N4BP2L2: variants seen among roughly 807,000 people sequenced by gnomAD.
The protein encoded by N4BP2L2 is NEDD4-binding protein 2-like 2.
Under a neutral mutation model 56.2 loss-of-function variants are expected in N4BP2L2, and 50 were observed. The ratio of observed to expected loss-of-function variants is 0.89; its 90% CI spans 0.71 to 1.13. The LOEUF (loss-of-function observed/expected upper bound fraction) is 1.13, where lower values mean the gene tolerates loss of function less well. Among genes scored for constraint, N4BP2L2 ranks in the 50% most tolerant of loss-of-function variants. The probability of loss-of-function intolerance (pLI) is 0.00; values close to 1 mark genes in which losing one functional copy is unlikely to be tolerated. For missense variants in N4BP2L2, 689 were observed against 693.8 expected, an observed-to-expected ratio of 0.99 and a Z score of 0.08; for synonymous variants, 203 against 223.6, an observed-to-expected ratio of 0.91 and a Z score of 0.82.
chr13:32,451,908 G>A (rs1046517920), intron 6 of N4BP2L2, among the ~76,000 whole-genome samples: 1 of 151,946 alleles, frequency 6.6e-6, no homozygotes, highest in Non-Finnish European at 1.5e-5. Flanking sequence ...TAAAGGTTAA[G>A]TTTTTCTCCC....
At chr13:32,443,274 C>T (rs1454046658) in exon 7 of N4BP2L2, 1 of 1,613,926 alleles carries the variant, frequency 6.2e-7, no homozygotes, top group East Asian at 2.2e-5. Flanking sequence ...AAGTGAAGAT[C>T]ATTTGAATCC....
At chr13:32,465,390 A>C (rs1235255984) in intron 6 of N4BP2L2, among the ~76,000 whole-genome samples, 1 of 152,064 alleles carries the variant, frequency 6.6e-6, no homozygotes, top group Non-Finnish European at 1.5e-5. Context: ...CAGCAATCCT[A>C]CTCTTAGGTA....
At chr13:32,537,644 G>T (rs1052170918) in intron 1 of N4BP2L2, among the ~76,000 whole-genome samples, 1 of 152,122 alleles carries the variant, frequency 6.6e-6, no homozygotes, top group Non-Finnish European at 1.5e-5. Flanking sequence ...GGTATAGTGT[G>T]TTCATTTAAA....
At chr13:32,477,136 C>T (rs2083510991) in intron 6 of N4BP2L2, 4 of 604,436 alleles carry the variant, frequency 6.6e-6, no homozygotes, top group Non-Finnish European at 1.3e-5. Flanking sequence ...AGTACTCTTG[C>T]CACTATCATA....
At chr13:32,532,659 C>T (rs1284783323) in intron 2 of N4BP2L2, among the ~76,000 whole-genome samples, 6 of 145,650 alleles carry the variant, frequency 4.1e-5, no homozygotes, top group South Asian at 2.2e-4. Context: ...GGTGTGATCT[C>T]GGCTCACTGC....
Position 32,527,293 on chromosome 13 carries a change from T to G in N4BP2L2, c.1384+115A>C, listed in dbSNP as rs544494604. ...TGGAGAAATTAGGTCTCAAAGCTAT[T>G]TAAACGGCTTGCCTACAGTCATTCA... On this transcript the variant is annotated intron_variant, in intron 3 of 5. Coordinates refer to ENST00000267068, the Ensembl canonical transcript of N4BP2L2. 2.2e-4 allele frequency: 245 copies of G among 1,130,316 alleles called. 2 individuals are homozygous for G. In the South Asian group the frequency reaches 3.4e-3, roughly 16 times the overall value. The allele number at this position is 1,130,316 out of a possible 1,614,324, so 70.0% of individuals were successfully genotyped here.
At chr13:32,522,358 C>G in intron 3 of N4BP2L2, 88 bp from the exon 4 acceptor site, 7 of 850,086 alleles carry the variant, frequency 8.2e-6, no homozygotes, top group Non-Finnish European at 1.2e-5. Context: ...AAATGTACTA[C>G]GTCTCTGTAC....
chr13:32,502,241 T>C (rs1207759722), intron 6 of N4BP2L2, among the ~76,000 whole-genome samples: 2 of 151,994 alleles, frequency 1.3e-5, no homozygotes, highest in African/African-American at 2.4e-5. Context: ...TTTTTTATTT[T>C]TTTATTTGTA....
At chr13:32,536,651 G>C in exon 2 of N4BP2L2, 1 of 1,613,904 alleles carries the variant, frequency 6.2e-7, no homozygotes, top group Non-Finnish European at 8.5e-7. Flanking sequence ...TTTGTAAATG[G>C]GTCCTATAAA....
At chr13:32,505,121 T>C (rs1012857234) in intron 6 of N4BP2L2, 1 of 152,384 alleles carries the variant, frequency 6.6e-6, no homozygotes, top group South Asian at 2.1e-4. Flanking sequence ...GTGGTAGCAA[T>C]AGTAGCCCCT....
Position 32,452,774 on chromosome 13 carries a change from C to T in N4BP2L2, c.366-8648G>A, listed in dbSNP as rs7994005. Among the ~76,000 whole-genome samples, 887 of 152,158 alleles carry T rather than the reference C, an allele frequency of 5.8e-3. 5 individuals carry two copies. The highest frequency in any genetic ancestry group is 0.02 in the African/African-American group (813 of 41,522). On this transcript the variant is annotated intron_variant, in intron 6 of 9. Transcript: ENST00000357505. Reference sequence around the variant, plus strand: ...TTAATTAACAATGAGTACTATGATCCTATCATAAACATAATTTCTAATATG... The same window carrying T: ...TTAATTAACAATGAGTACTATGATCTTATCATAAACATAATTTCTAATATG...
intron 6 of N4BP2L2, chr13:32,480,496 C>T: frequency 1.5e-6 from 1 of 666,618 alleles, no homozygotes; most frequent in Non-Finnish European, 2.2e-6. Flanking sequence ...TTTAAAGTCT[C>T]TTCAACAATA....
chr13:32,442,883 C>A, exon 7 of N4BP2L2: 1 of 1,613,016 alleles, frequency 6.2e-7, no homozygotes, highest in Non-Finnish European at 8.5e-7. Context: ...GGATGATGAT[C>A]AAAGGTCATA....
intron 5 of N4BP2L2, among the ~76,000 whole-genome samples, chr13:32,519,425 G>C (rs1188665539): frequency 6.6e-6 from 1 of 152,056 alleles, no homozygotes; most frequent in African/African-American, 2.4e-5. Context: ...GGAGGCCAAG[G>C]TGGGTGGATT....
chr13:32,504,012 T>G (rs978065461), intron 6 of N4BP2L2, among the ~76,000 whole-genome samples: 4 of 152,066 alleles, frequency 2.6e-5, no homozygotes, highest in Non-Finnish European at 5.9e-5. Flanking sequence ...AAAAAATAAA[T>G]AAATAAAAAA....
At chr13:32,527,698 A>G (rs2053456470) in intron 2 of N4BP2L2, among the ~76,000 whole-genome samples, 166 bp from the exon 3 acceptor site, 1 of 152,186 alleles carries the variant, frequency 6.6e-6, no homozygotes, top group South Asian at 2.1e-4. Context: ...CCAGCACAAG[A>G]GCTGAATAAT....
At chr13:32,495,525 G>A (rs903558678) in intron 6 of N4BP2L2, among the ~76,000 whole-genome samples, 9 of 152,052 alleles carry the variant, frequency 5.9e-5, no homozygotes, top group African/African-American at 1.9e-4. Flanking sequence ...CCACCCAGAC[G>A]TGGGGCAACT....
intron 6 of N4BP2L2, among the ~76,000 whole-genome samples, chr13:32,503,805 G>A (rs115578635): frequency 0.012 from 1,846 of 152,216 alleles, 42 homozygotes; most frequent in African/African-American, 0.042. Context: ...CAGCACTTCG[G>A]GGGACCGAGG....
chr13:32,435,070 T>A (rs190983083), intron 9 of N4BP2L2, among the ~76,000 whole-genome samples: 2 of 152,266 alleles, frequency 1.3e-5, no homozygotes, highest in Admixed American at 1.3e-4. Flanking sequence ...TCACTCACTA[T>A]AATCTAACTT....
Sources: allele counts gnomAD v4.1 joint callset (sites outside exome capture counted in the v4.1 genomes callset), GRCh38; gene constraint gnomAD v4.1.1; transcripts MANE v1.5; gene names NCBI Gene and HGNC (gene_info 2026-07-23, HGNC 2026-07-21).